OGT: variants seen among roughly 807,000 people sequenced by gnomAD.
OGT encodes UDP-N-acetylglucosamine--peptide N-acetylglucosaminyltransferase 110 kDa subunit.
A neutral mutation model predicts 75.8 loss-of-function variants in OGT; 3 were observed. That is an observed-to-expected ratio of 0.04 (90% confidence interval 0.02 to 0.10). OGT has a LOEUF of 0.10. Ranked by LOEUF, OGT falls within the 10% of genes least tolerant of loss-of-function variation. The pLI, the probability that OGT is intolerant of heterozygous loss-of-function variation, is 1.00. For missense variants in OGT, 260 were observed against 824.4 expected (o/e 0.32, Z 8.38); for synonymous variants, 257 against 289.7 (o/e 0.89, Z 1.15).
chrX:71,549,993 A>G (rs939910493), intron 5 of OGT, among the ~76,000 whole-genome samples: 2 of 112,145 alleles, frequency 1.8e-5, no homozygotes, highest in Non-Finnish European at 3.8e-5. Flanking sequence ...TTGAGCATCA[A>G]TAGGAATAAT....
intron 21 of OGT, among the ~76,000 whole-genome samples, chrX:71,572,500 G>A (rs1370797127): frequency 8.9e-6 from 1 of 112,629 alleles, no homozygotes; most frequent in African/African-American, 3.2e-5. Flanking sequence ...GGGCGTGGTG[G>A]CGCATGCCTA....
chrX:71,559,216 A>G (rs375336441), intron 12 of OGT, 51 bp from the exon 13 acceptor site: 2 of 1,139,903 alleles, frequency 1.8e-6, no homozygotes, highest in Non-Finnish European at 1.2e-6. Flanking sequence ...CAGTTTTCCT[A>G]GATGAAAATT....
intron 7 of OGT, 64 bp from the exon 8 acceptor site, chrX:71,555,890 G>T: frequency 8.8e-7 from 1 of 1,136,201 alleles, no homozygotes; most frequent in Non-Finnish European, 1.2e-6. Context: ...ACAATTATTA[G>T]AACAGTATCA....
chrX:71,556,597 G>T, intron 8 of OGT, 83 bp from the exon 9 acceptor site: 1 of 532,561 alleles, frequency 1.9e-6, no homozygotes, highest in Non-Finnish European at 2.9e-6. Context: ...ATGTACTTGA[G>T]CAAAGTTCTT....
chrX:71,546,133 T>A (rs968330816), intron 4 of OGT: 20 of 752,366 alleles, frequency 2.7e-5, no homozygotes, highest in Non-Finnish European at 2.7e-5. Context: ...ATGAAGAGCC[T>A]TTCTTCCAGC....
chrX:71,569,804 C>T (rs751289545), intron 21 of OGT, among the ~76,000 whole-genome samples: 18 of 109,205 alleles, frequency 1.6e-4, no homozygotes, highest in South Asian at 4.0e-4. Flanking sequence ...GGCGCGATCT[C>T]GGCTCACTGC....
Position 71,533,199 on chromosome X carries a change from C to A in OGT, c.-101C>A. On this transcript the variant is annotated 5_prime_UTR_variant, in exon 1 of 22. Transcript: ENST00000373719. The stretch of plus-strand genomic sequence containing the variant: ...GCTCAAGCCCTCCAGAGCATTGCTA[C>A]GGCTGCTGCCCTTGTACTACTACCT... 1 of 843,004 alleles carries A rather than the reference C, an allele frequency of 1.2e-6. No homozygotes were observed. The highest frequency in any genetic ancestry group is 1.7e-6 in the Non-Finnish European group (1 of 578,542). The allele number at this position is 843,004 out of a possible 1,213,427, so 69.5% of individuals were successfully genotyped here. A position where few individuals can be genotyped will look rare whatever the true frequency, so the allele number is the denominator to read the frequency against.
At position 71,555,934 on chromosome X, in the gene OGT, G is replaced by A; in HGVS notation, c.925-20G>A. 8.3e-7 allele frequency: 1 copy of A among 1,208,294 alleles called. No homozygotes were observed. The highest frequency in any genetic ancestry group is 2.3e-4 in the Middle Eastern group (1 of 4,340). On this transcript the variant is annotated intron_variant, in intron 7 of 21. Coordinates refer to ENST00000373719, the MANE Select transcript of OGT (RefSeq NM_181672.3). Reference sequence around the variant, plus strand: ...TTTATGATTCTGTACAGTTTTTGAAGACTTTGTTTTGTTTTCTAGGTTGCT... The same window carrying A: ...TTTATGATTCTGTACAGTTTTTGAAAACTTTGTTTTGTTTTCTAGGTTGCT...
chrX:71,539,597 G>A (rs1342063877), intron 3 of OGT, among the ~76,000 whole-genome samples: 1 of 112,091 alleles, frequency 8.9e-6, no homozygotes, highest in Non-Finnish European at 1.9e-5. Context: ...GACACTCAGT[G>A]TATATATATG....
At chrX:71,543,766 G>GTATATATA (rs397895363) in intron 3 of OGT, among the ~76,000 whole-genome samples, 5 of 78,313 alleles carry the variant, frequency 6.4e-5, no homozygotes, top group Non-Finnish European at 1.2e-4. Context: ...GTGTGTGTGT[G>GTATATATA]TATATATATA....
intron 4 of OGT, 107 bp from the exon 5 acceptor site, chrX:71,547,800 C>A: frequency 8.8e-7 from 1 of 1,131,573 alleles, no homozygotes; most frequent in Non-Finnish European, 1.2e-6. Context: ...ATAATGATAT[C>A]ACCTTCTTCC....
rs2040367747 is a variant in OGT at position 71,559,505 on chromosome X, T to C, written c.1761+80T>C. 2.1e-5 allele frequency: 24 copies of C among 1,144,055 alleles called. No homozygotes were observed. In the Middle Eastern group the frequency reaches 9.7e-4, roughly 46 times the overall value. 94.3% of individuals were successfully genotyped at this position (1,144,055 alleles called of 1,213,427 possible). ...AATGTTGGCTTGTCACCATGAGGCA[T>C]GGAAACCTAGTGTCTTTTGGAAAGA... On this transcript the variant is annotated intron_variant, in intron 13 of 21. Transcript: ENST00000373719.
chrX:71,547,585 G>T (rs1602142312), intron 4 of OGT: 1 of 855,654 alleles, frequency 1.2e-6, no homozygotes, highest in East Asian at 8.3e-5. Context: ...TTGGATAAGA[G>T]AACTCCAGCA....
In OGT at chrX:71,545,210, C is replaced by T. The variant is rs772845794; in HGVS notation, c.531+575C>T. On this transcript the variant is annotated intron_variant, in intron 4 of 21. Transcript: ENST00000373719. ...CTGTCCCTTGTCCCCACTCCCTTCCCAAGTTCCTTTTTCCTCTTTTCCAAT... is the reference window on the plus strand; with the variant it reads ...CTGTCCCTTGTCCCCACTCCCTTCCTAAGTTCCTTTTTCCTCTTTTCCAAT... 204 of 111,982 alleles carry T rather than the reference C, an allele frequency of 1.8e-3. 1 individual carries two copies. The highest frequency in any genetic ancestry group is 3.0e-3 in the Non-Finnish European group (160 of 53,267). 9.2% of individuals were successfully genotyped at this position (111,982 alleles called of 1,213,427 possible). A position where few individuals can be genotyped will look rare whatever the true frequency, so the allele number is the denominator to read the frequency against.
chrX:71,547,964 C>A lies in OGT; in HGVS notation c.589C>A (p.Leu197Ile). 1 of 1,210,328 alleles carries A rather than the reference C, an allele frequency of 8.3e-7. No homozygotes were observed. Among genetic ancestry groups the A allele is most frequent in the South Asian group, 1.8e-5 (1 of 56,928 alleles). Residue 197 changes from leucine (L) to isoleucine (I), a missense_variant, in exon 5 of 22, where the codon CTT becomes ATT. Around this residue, in one of 6 missense-constraint regions of OGT, gnomAD observed 99 missense variants for 417.9 expected, o/e 0.24. Transcript: ENST00000373719. ...GAACTTTGCAGTAGCTTGGAGTAAT[C>A]TTGGCTGTGTTTTCAATGCACAAGG... ...QPNFAVAWSN[L>I]GCVFNAQGEI...
chrX:71,570,033 GTTTTTTTTTTTT>G (rs34416880), intron 21 of OGT, among the ~76,000 whole-genome samples: 1 of 26,499 alleles, frequency 3.8e-5, no homozygotes, highest in Non-Finnish European at 6.2e-5. Context: ...TGTGCCTGGC[GTTTTTTTTTTTT>G]TTTTTTTTTT....
At chrX:71,553,236 C>T (rs1253132606) in intron 5 of OGT, among the ~76,000 whole-genome samples, 4 of 111,039 alleles carry the variant, frequency 3.6e-5, no homozygotes, top group South Asian at 3.8e-4. Context: ...GGATTACAGG[C>T]GTGAGCCACC....
chrX:71,556,807 T>A lies in OGT; in HGVS notation c.1166+27T>A, dbSNP rs199940325. The A allele has an allele frequency of 5.0e-5, 53 of 1,068,874 alleles. No homozygotes were observed. The East Asian group carries it at 1.7e-3, about 33-fold the overall frequency. The allele number at this position is 1,068,874 out of a possible 1,213,427, so 88.1% of individuals were successfully genotyped here. ...TAAGAGACACTAACAGCCTTATTTTTAAAATTATTTTTAATTTTAAAATGT... is the reference window on the plus strand; with the variant it reads ...TAAGAGACACTAACAGCCTTATTTTAAAAATTATTTTTAATTTTAAAATGT... On this transcript the variant is annotated intron_variant, in intron 9 of 21. Transcript: ENST00000373719.
chrX:71,563,316 A>T lies in OGT; in HGVS notation c.2266-13A>T. Reference sequence around the variant, plus strand: ...TTCACGATCTTTTCCCTAATGATGCATTTTTTTTTCAGATGAAGTGTCCTG... The same window carrying T: ...TTCACGATCTTTTCCCTAATGATGCTTTTTTTTTTCAGATGAAGTGTCCTG... On this transcript the variant is annotated splice_polypyrimidine_tract_variant and intron_variant, in intron 17 of 21. Coordinates refer to ENST00000373719, the MANE Select transcript of OGT (RefSeq NM_181672.3). 1 of 1,188,703 alleles carries T rather than the reference A, an allele frequency of 8.4e-7. No individual in the cohort carries two copies.
Sources: gnomAD v4.1 joint callset for allele counts (sites outside exome capture counted in the v4.1 genomes callset) on GRCh38, gnomAD v4.1.1 for gene constraint, gnomAD v4.1.1 regional missense constraint, MANE v1.5 for transcripts, NCBI Gene and HGNC (gene_info 2026-07-23, HGNC 2026-07-21) for gene names.